Variants in NUCKS1 observed in about 807,000 individuals in gnomAD.
NUCKS1 encodes nuclear casein kinase and cyclin dependent kinase substrate 1.
Under a neutral mutation model 33.0 loss-of-function variants are expected in NUCKS1, and 2 were observed. The observed-to-expected ratio is 0.06, with a 90% CI of 0.02 to 0.19. The LOEUF (loss-of-function observed/expected upper bound fraction) is 0.19. NUCKS1 is among the 10% of genes least tolerant of loss of function. The pLI is 1.00. For synonymous variants in NUCKS1, 106 were observed against 102.8 expected, an observed-to-expected ratio of 1.03 and a Z score of -0.19; for missense variants, 201 against 293.6, an observed-to-expected ratio of 0.68 and a Z score of 2.31.
intron 1 of NUCKS1, among the ~76,000 whole-genome samples, chr1:205,744,655 G>C (rs1001741178): frequency 3.1e-4 from 1 of 3,196 alleles, no homozygotes; most frequent in African/African-American, 9.1e-4. Context: ...TTTTTGAGAC[G>C]GAGTTTCGCC....
intron 4 of NUCKS1, among the ~76,000 whole-genome samples, chr1:205,722,476 C>T (rs888045120): frequency 7.3e-5 from 11 of 151,654 alleles, no homozygotes; most frequent in Admixed American, 2.0e-4. Flanking sequence ...AGGCTGGTCT[C>T]GAACTCCTGA....
chr1:205,743,344 C>G (rs1278983922), intron 1 of NUCKS1, among the ~76,000 whole-genome samples: 1 of 152,178 alleles, frequency 6.6e-6, no homozygotes, highest in Admixed American at 6.5e-5. Flanking sequence ...TTCAACATCT[C>G]CACTATATAA....
Position 205,735,018 on chromosome 1 carries a change from T to A in NUCKS1, c.18-5397A>T, listed in dbSNP as rs924637219. ...AGGCTTGCTTTGTCTGGGGTTGAAA[T>A]ACATTTTTGATGAATTTGTTCCTAA... On this transcript the variant is annotated intron_variant, in intron 1 of 6. Transcript: ENST00000367142. Among the ~76,000 whole-genome samples the A allele has an allele frequency of 6.6e-5, 10 of 152,338 alleles. No individual in the cohort carries two copies. The South Asian group carries it at 2.1e-3, about 32-fold the overall frequency.
At chr1:205,725,300 G>A (rs1187300942) in intron 3 of NUCKS1, among the ~76,000 whole-genome samples, 1 of 152,114 alleles carries the variant, frequency 6.6e-6, no homozygotes, top group East Asian at 1.9e-4. Flanking sequence ...CCAAAAACTC[G>A]CACATAAAAA....
chr1:205,719,415 C>T, intron 6 of NUCKS1, 112 bp downstream of exon 6: 2 of 1,061,708 alleles, frequency 1.9e-6, no homozygotes, highest in Non-Finnish European at 2.7e-6. Context: ...TTCTTGTATT[C>T]CTGCTAAACA....
chr1:205,721,645 C>A (rs1400808499), intron 4 of NUCKS1, among the ~76,000 whole-genome samples: 4 of 152,026 alleles, frequency 2.6e-5, no homozygotes, highest in Non-Finnish European at 4.4e-5. Flanking sequence ...TGGCTTGTGA[C>A]CATTTCAATT....
At chr1:205,725,675 G>A (rs1476550231) in intron 3 of NUCKS1, among the ~76,000 whole-genome samples, 1 of 152,048 alleles carries the variant, frequency 6.6e-6, no homozygotes, top group Non-Finnish European at 1.5e-5. Context: ...AAAATCAACA[G>A]AGCACTGGTC....
At position 205,717,979 on chromosome 1, in the gene NUCKS1, T is replaced by G; in HGVS notation, c.*301A>C. On this transcript the variant is annotated 3_prime_UTR_variant, in exon 7 of 7. Transcript: ENST00000367142. ...AAAAATAAAAAGATGAAGCAGTCAA[T>G]CCAGTGATTAATTTGACATGGCTTT... 2.9e-6 allele frequency: 3 copies of G among 1,050,162 alleles called. No homozygotes were observed. The highest frequency in any genetic ancestry group is 3.4e-6 in the Non-Finnish European group (3 of 873,842). 65.1% of individuals were successfully genotyped at this position (1,050,162 alleles called of 1,614,324 possible).
At chr1:205,746,110 A>C (rs1654316272) in intron 1 of NUCKS1, among the ~76,000 whole-genome samples, 1 of 151,922 alleles carries the variant, frequency 6.6e-6, no homozygotes, top group South Asian at 2.1e-4. Context: ...AGCCTGGCCA[A>C]CATGGTGAAA....
At chr1:205,727,947 A>C (rs1474502463) in intron 2 of NUCKS1, 142 bp from the exon 3 acceptor site, 1 of 644,902 alleles carries the variant, frequency 1.6e-6, no homozygotes, top group African/African-American at 1.8e-5. Context: ...CATCTTTAAA[A>C]AACTAAATTA....
Position 205,720,638 on chromosome 1 carries a change from T to C in NUCKS1, c.245A>G (p.Glu82Gly). 1 of 1,613,666 alleles carries C rather than the reference T, an allele frequency of 6.2e-7. No homozygotes were observed. Among genetic ancestry groups the C allele is most frequent in the Non-Finnish European group, 8.5e-7 (1 of 1,179,932 alleles). Residue 82 changes from glutamate to glycine, a missense_variant, in exon 5 of 7, where the codon GAA (glutamate) becomes GGA (glycine). Glu to Gly is a moderately conservative substitution (Grantham distance 98, BLOSUM62 -2). Coordinates refer to ENST00000367142, the MANE Select transcript of NUCKS1 (RefSeq NM_022731.5). ...DSHSAEDSED[E>G]KEDHKNVRQQ... ...GCGCACATTTTTATGATCTTCTTTT[T>C]CATCTTCACTATCCTCTGCAATATC...
At chr1:205,749,094 G>A (rs1558058515) in intron 1 of NUCKS1, among the ~76,000 whole-genome samples, 1 of 152,190 alleles carries the variant, frequency 6.6e-6, no homozygotes, top group African/African-American at 2.4e-5. Context: ...GGGGACAAGA[G>A]GGTTACAAAA....
At position 205,735,330 on chromosome 1, in the gene NUCKS1, G is replaced by A. The variant is rs529220423; in HGVS notation, c.18-5709C>T. ...ACATGCTATACATGTTTGTAGTCTA[G>A]GAGCAATAGGCTATACCATACAGCC... On this transcript the variant is annotated intron_variant, in intron 1 of 6. Transcript: ENST00000367142. Among the ~76,000 whole-genome samples, 31 of 152,268 alleles carry A rather than the reference G, an allele frequency of 2.0e-4. No homozygotes were observed. The South Asian group carries it at 6.0e-3, about 30-fold the overall frequency.
chr1:205,746,453 TCACACACA>T (rs1216661558), intron 1 of NUCKS1, among the ~76,000 whole-genome samples: 11 of 124,576 alleles, frequency 8.8e-5, no homozygotes, highest in African/African-American at 3.4e-4. Flanking sequence ...TCTCTCTCTC[TCACACACA>T]CACACACACA....
At chr1:205,732,169 C>T (rs1653930816) in intron 1 of NUCKS1, among the ~76,000 whole-genome samples, 1 of 152,146 alleles carries the variant, frequency 6.6e-6, no homozygotes, top group Non-Finnish European at 1.5e-5. Context: ...TAAGGAGTTC[C>T]ACCTTCTGTT....
chr1:205,734,328 T>C (rs1571581485), intron 1 of NUCKS1, among the ~76,000 whole-genome samples: 1 of 152,254 alleles, frequency 6.6e-6, no homozygotes, highest in Admixed American at 6.5e-5. Flanking sequence ...TAAAATTAAA[T>C]TGAAAGACTA....
intron 2 of NUCKS1, among the ~76,000 whole-genome samples, chr1:205,728,229 T>C (rs1325006679): frequency 2.0e-5 from 3 of 152,106 alleles, no homozygotes; most frequent in Non-Finnish European, 4.4e-5. Flanking sequence ...AGAAAATATC[T>C]CCAATTTCAA....
chr1:205,746,461 A>T (rs982158681), intron 1 of NUCKS1, among the ~76,000 whole-genome samples: 2 of 140,942 alleles, frequency 1.4e-5, no homozygotes, highest in African/African-American at 5.2e-5. Flanking sequence ...TCTCACACAC[A>T]CACACACACA....
intron 1 of NUCKS1, among the ~76,000 whole-genome samples, chr1:205,731,700 G>C (rs1415515790): frequency 6.6e-6 from 1 of 152,072 alleles, no homozygotes; most frequent in African/African-American, 2.4e-5. Flanking sequence ...GACCATCCTG[G>C]CCAACGTGGT....
Sources: gnomAD v4.1 joint callset for allele counts (sites outside exome capture counted in the v4.1 genomes callset) on GRCh38, gnomAD v4.1.1 for gene constraint, MANE v1.5 for transcripts, NCBI Gene and HGNC (gene_info 2026-07-23, HGNC 2026-07-21) for gene names.